KCNK17: variants seen among roughly 807,000 people sequenced by gnomAD.
KCNK17 encodes the protein potassium two pore domain channel subfamily K member 17, also known as potassium channel subfamily K member 17.
In KCNK17, 27 loss-of-function variants were observed where a neutral mutation model predicts 24.6. That is an observed-to-expected ratio of 1.10 (90% confidence interval 0.81 to 1.51). The LOEUF is 1.51. Ranked by LOEUF, KCNK17 falls within the 40% of genes most tolerant of loss-of-function variation. The probability of loss-of-function intolerance (pLI) is 0.00; values close to 1 mark genes in which losing one functional copy is unlikely to be tolerated. For synonymous variants in KCNK17, 181 were observed against 189.8 expected (o/e 0.95, Z 0.38); for missense variants, 450 against 436.6 (o/e 1.03, Z -0.27).
intron 1 of KCNK17, among the ~76,000 whole-genome samples, chr6:39,312,951 C>T (rs1343700112): frequency 6.6e-6 from 1 of 152,242 alleles, no homozygotes; most frequent in Non-Finnish European, 1.5e-5. Context: ...GGGTTCAGAA[C>T]ACCACTTCCG....
At chr6:39,311,072 G>GCACACACACA (rs59086835) in intron 1 of KCNK17, 65 bp from the exon 2 acceptor site, 78 of 518,832 alleles carry the variant, frequency 1.5e-4, no homozygotes, top group Non-Finnish European at 1.1e-4. Context: ...ACCCCAAGAT[G>GCACACACACA]CACACACACA....
rs746939056 is a variant in KCNK17 at position 39,314,072 on chromosome 6, C to G, written c.237+12G>C. 128 of 1,555,060 alleles carry G rather than the reference C, an allele frequency of 8.2e-5. No individual in the cohort carries two copies. In the Middle Eastern group the frequency reaches 8.4e-4, roughly 10 times the overall value. The stretch of plus-strand genomic sequence containing the variant: ...TCCCGCCGCGCCCAGGCCGACGCCG[C>G]TCGCCCCTGACCCGGATCAGCGAGT... On this transcript the variant is annotated intron_variant, in intron 1 of 4. Coordinates refer to ENST00000373231, the MANE Select transcript of KCNK17 (RefSeq NM_031460.4).
intron 2 of KCNK17, among the ~76,000 whole-genome samples, chr6:39,309,525 GGA>G (rs1762095227): frequency 6.6e-6 from 1 of 152,136 alleles, no homozygotes; most frequent in Admixed American, 6.5e-5. Flanking sequence ...GAAACTGAGT[GGA>G]GAGGAAAGGA....
chr6:39,304,104 C>T lies in KCNK17; in HGVS notation c.541G>A (p.Gly181Ser), dbSNP rs755868449. ...QDPDKARWLA[G>S]SGALLSGLLL... is the part of the protein sequence containing the mutation. ...AGGCCCGAGAGGAGGGCGCCAGAGCCCGCCAGCCACCGCGCCTTGTCAGGA... is the reference window on the plus strand; with the variant it reads ...AGGCCCGAGAGGAGGGCGCCAGAGCTCGCCAGCCACCGCGCCTTGTCAGGA... Residue 181 changes from glycine to serine, a missense_variant, in exon 4 of 5, where the codon GGC becomes AGC. Coordinates refer to ENST00000373231, the MANE Select transcript of KCNK17 (RefSeq NM_031460.4). The T allele has an allele frequency of 3.1e-6, 5 of 1,610,340 alleles. No individual in the cohort carries two copies. The South Asian group carries it at 5.5e-5, about 18-fold the overall frequency.
Position 39,304,586 on chromosome 6 carries a change from A to G in KCNK17, c.422T>C (p.Ile141Thr). Residue 141 changes from isoleucine to threonine, a missense_variant, in exon 3 of 5, where the codon ATC becomes ACC. By Grantham distance (89) the Ile-to-Thr change is moderately conservative. Transcript: ENST00000373231. ...GTTGAGCACCACGAGGTTGAGTGGG[A>G]TCCCCACAAGGGCAAAGAAGATGCA... ...LFCIFFALVG[I>T]PLNLVVLNRL... 1 of 1,614,112 alleles carries G rather than the reference A, an allele frequency of 6.2e-7. No homozygotes were observed. Among genetic ancestry groups the G allele is most frequent in the Non-Finnish European group, 8.5e-7 (1 of 1,179,990 alleles).
At position 39,299,237 on chromosome 6, in the gene KCNK17, A is replaced by G; in HGVS notation, c.*190T>C. 1 of 578,914 alleles carries G rather than the reference A, an allele frequency of 1.7e-6. No individual in the cohort carries two copies. The highest frequency in any genetic ancestry group is 3.0e-6 in the Non-Finnish European group (1 of 328,806). 35.9% of individuals were successfully genotyped at this position (578,914 alleles called of 1,614,324 possible). On this transcript the variant is annotated 3_prime_UTR_variant, in exon 5 of 5. Coordinates refer to ENST00000373231, the MANE Select transcript of KCNK17 (RefSeq NM_031460.4). The stretch of plus-strand genomic sequence containing the variant: ...TGGGGGAGAAGGGCATGCTGCCCCG[A>G]CACCCGAAAGTCACATCCCATGTCA...
At position 39,314,149 on chromosome 6, in the gene KCNK17, C is replaced by T. The variant is rs1762218830; in HGVS notation, c.172G>A (p.Asp58Asn). ...AQDSSRSFQR[D>N]KWELLQNFTC... ...AAGTTCTGCAACAGCTCCCACTTGT[C>T]GCGCTGGAAGCTGCGGCTGGAGTCC... Residue 58 changes from aspartate to asparagine, a missense_variant, in exon 1 of 5, where the codon GAC becomes AAC. By Grantham distance (23) the Asp-to-Asn change is conservative (BLOSUM62 1). Transcript: ENST00000373231. The T allele has an allele frequency of 5.0e-6, 8 of 1,585,232 alleles. No homozygotes were observed. The highest frequency in any genetic ancestry group is 6.8e-6 in the Non-Finnish European group (8 of 1,169,032).
chr6:39,310,511 C>T (rs1212689534), intron 2 of KCNK17, among the ~76,000 whole-genome samples: 2 of 152,154 alleles, frequency 1.3e-5, no homozygotes, highest in African/African-American at 2.4e-5. Context: ...CTCCCGACCA[C>T]CACTCCCGGG....
chr6:39,304,385 C>A, intron 3 of KCNK17, 110 bp downstream of exon 3: 1 of 1,034,256 alleles, frequency 9.7e-7, no homozygotes. Context: ...CCCAACACAA[C>A]CTCACCAGTA....
chr6:39,310,835 T>C (rs1762119238), intron 2 of KCNK17, 58 bp downstream of exon 2: 4 of 1,216,578 alleles, frequency 3.3e-6, no homozygotes, highest in Non-Finnish European at 4.6e-6. Flanking sequence ...GCCTGTTGCC[T>C]CTCAGGGAGC....
chr6:39,304,610 C>A lies in KCNK17; in HGVS notation c.398G>T (p.Cys133Phe). ...SPNTMAARLF[C>F]IFFALVGIPL... is the part of the protein sequence containing the mutation. ...GATCCCCACAAGGGCAAAGAAGATG[C>A]AGAAGAGGCGGGCAGCCATCGTGTT... Residue 133 changes from cysteine (C) to phenylalanine (F), a missense_variant, in exon 3 of 5, where the codon TGC (cysteine) becomes TTC (phenylalanine). Transcript: ENST00000373231. 6.2e-7 allele frequency: 1 copy of A among 1,613,946 alleles called. No individual in the cohort carries two copies. The highest frequency in any genetic ancestry group is 8.5e-7 in the Non-Finnish European group (1 of 1,179,824).
chr6:39,309,599 T>G (rs1762095974), intron 2 of KCNK17, among the ~76,000 whole-genome samples: 1 of 152,020 alleles, frequency 6.6e-6, no homozygotes, highest in Non-Finnish European at 1.5e-5. Context: ...AACTCTGAAT[T>G]TGGTGGGCCA....
intron 3 of KCNK17, 120 bp downstream of exon 3, chr6:39,304,375 C>A: frequency 1.0e-6 from 1 of 962,794 alleles, no homozygotes; most frequent in East Asian, 2.6e-5. Flanking sequence ...GACCCCCAAT[C>A]CCAACACAAC....
intron 1 of KCNK17, among the ~76,000 whole-genome samples, chr6:39,312,567 G>C (rs1762158148): frequency 6.6e-6 from 1 of 152,192 alleles, no homozygotes. Flanking sequence ...TCTGAAACAG[G>C]ATGATAAAAA....
At chr6:39,311,936 C>T (rs1023831699) in intron 1 of KCNK17, among the ~76,000 whole-genome samples, 1 of 152,008 alleles carries the variant, frequency 6.6e-6, no homozygotes, top group Non-Finnish European at 1.5e-5. Context: ...TCGCAGGTAT[C>T]AGCCAAGGTC....
intron 4 of KCNK17, among the ~76,000 whole-genome samples, chr6:39,302,653 G>T (rs1761966346): frequency 6.6e-6 from 1 of 152,200 alleles, no homozygotes; most frequent in Non-Finnish European, 1.5e-5. Flanking sequence ...AGAAATGACA[G>T]ATCTAAGAAT....
At chr6:39,306,377 A>C (rs371268595) in intron 2 of KCNK17, among the ~76,000 whole-genome samples, 159 of 152,364 alleles carry the variant, frequency 1.0e-3, no homozygotes, top group African/African-American at 3.7e-3. Flanking sequence ...ATTCTCAGCA[A>C]CTGGCAAAGG....
At chr6:39,302,156 C>T (rs998667194) in intron 4 of KCNK17, among the ~76,000 whole-genome samples, 1 of 152,166 alleles carries the variant, frequency 6.6e-6, no homozygotes, top group Non-Finnish European at 1.5e-5. Context: ...CAGAGGGGCC[C>T]AGGAGGTAGC....
chr6:39,311,206 T>G (rs1762134116), intron 1 of KCNK17, among the ~76,000 whole-genome samples, 199 bp from the exon 2 acceptor site: 1 of 151,722 alleles, frequency 6.6e-6, no homozygotes, highest in Non-Finnish European at 1.5e-5. Context: ...CACCAAGGGC[T>G]CACCAGGTAC....
Sources: allele counts gnomAD v4.1 joint callset (sites outside exome capture counted in the v4.1 genomes callset), GRCh38; gene constraint gnomAD v4.1.1; transcripts MANE v1.5; gene names NCBI Gene and HGNC (gene_info 2026-07-23, HGNC 2026-07-21).